Variants in PDZD2 observed in about 807,000 individuals in gnomAD.
PDZD2 encodes PDZ domain-containing protein 2.
A neutral mutation model predicts 220.7 loss-of-function variants in PDZD2; 90 were observed. The ratio of observed to expected loss-of-function variants is 0.41; its 90% CI spans 0.34 to 0.49. PDZD2 has a LOEUF of 0.49. Among genes scored for constraint, PDZD2 ranks in the 20% least tolerant of loss-of-function variants. The probability of loss-of-function intolerance (pLI) is 0.28; values close to 1 mark genes in which losing one functional copy is unlikely to be tolerated. For missense variants in PDZD2, 3,174 were observed against 3,608.5 expected, an observed-to-expected ratio of 0.88 and a Z score of 3.08; for synonymous variants, 1,375 against 1,450.5, an observed-to-expected ratio of 0.95 and a Z score of 1.18.
intron 24 of PDZD2, among the ~76,000 whole-genome samples, chr5:32,102,556 T>G (rs1443684787): frequency 6.6e-6 from 1 of 151,704 alleles, no homozygotes; most frequent in African/African-American, 2.4e-5. Flanking sequence ...CTCATCAAGT[T>G]AACTGTTCAA....
At chr5:31,737,253 A>T (rs544213470) in intron 1 of PDZD2, among the ~76,000 whole-genome samples, 54 of 143,758 alleles carry the variant, frequency 3.8e-4, no homozygotes, top group African/African-American at 1.2e-3. Flanking sequence ...GCTCACTGCA[A>T]GCTCCGCCTC....
intron 1 of PDZD2, among the ~76,000 whole-genome samples, chr5:31,684,563 GTTT>G (rs34643771): frequency 0.11 from 16,356 of 148,236 alleles, 983 homozygotes; most frequent in South Asian, 0.16. Context: ...AGCTAGAGCA[GTTT>G]TTTTTTTTTT....
Position 31,901,107 on chromosome 5 carries a change from G to T in PDZD2, c.477-82048G>T, listed in dbSNP as rs2150357987. 2.0e-5 allele frequency among the ~76,000 whole-genome samples: 3 copies of T among 152,218 alleles called. No homozygotes were observed. The Middle Eastern group carries it at 0.01, about 518-fold the overall frequency. On this transcript the variant is annotated intron_variant, in intron 2 of 24. Coordinates refer to ENST00000438447, the MANE Select transcript of PDZD2 (RefSeq NM_178140.4). ...GCCAAGCATTTTAAATACACATTTA[G>T]GCTAACAGCTATAAAAACAGGTGAC...
chr5:31,676,149 A>T (rs1398051313), intron 1 of PDZD2, among the ~76,000 whole-genome samples: 12 of 152,222 alleles, frequency 7.9e-5, no homozygotes, highest in Non-Finnish European at 4.4e-5. Context: ...AGTTAGCCTT[A>T]AGCTTTTTTC....
intron 2 of PDZD2, among the ~76,000 whole-genome samples, chr5:31,815,864 A>G (rs1159137190): frequency 6.6e-6 from 1 of 152,216 alleles, no homozygotes; most frequent in Non-Finnish European, 1.5e-5. Context: ...ATAGGCCAAG[A>G]GCATGAAATT....
chr5:31,732,417 C>T (rs1011054444), intron 1 of PDZD2, among the ~76,000 whole-genome samples: 1 of 152,188 alleles, frequency 6.6e-6, no homozygotes, highest in Non-Finnish European at 1.5e-5. Context: ...TCTCTGCTCA[C>T]CTTTGACCTC....
chr5:31,929,191 C>T (rs1051051410), intron 2 of PDZD2, among the ~76,000 whole-genome samples: 6 of 152,126 alleles, frequency 3.9e-5, no homozygotes, highest in Non-Finnish European at 5.9e-5. Flanking sequence ...CCAGACTCAG[C>T]GTCTGCTGTT....
At chr5:31,914,590 A>G (rs1050402394) in intron 2 of PDZD2, among the ~76,000 whole-genome samples, 1 of 152,212 alleles carries the variant, frequency 6.6e-6, no homozygotes, top group African/African-American at 2.4e-5. Context: ...GGAAAAATTT[A>G]GGAGTAGATA....
At chr5:32,104,727 A>T (rs1257321275) in intron 24 of PDZD2, among the ~76,000 whole-genome samples, 5 of 141,646 alleles carry the variant, frequency 3.5e-5, no homozygotes, top group African/African-American at 1.5e-4. Context: ...AAAAAAAAAA[A>T]AAAAAAAAAA....
At chr5:31,721,847 G>A (rs138238634) in intron 1 of PDZD2, among the ~76,000 whole-genome samples, 110 of 152,108 alleles carry the variant, frequency 7.2e-4, no homozygotes, top group East Asian at 4.3e-3. Flanking sequence ...GGCGGAGATC[G>A]GTTTACAGAG....
At chr5:31,904,491 T>C (rs1459997678) in intron 2 of PDZD2, among the ~76,000 whole-genome samples, 1 of 152,222 alleles carries the variant, frequency 6.6e-6, no homozygotes, top group African/African-American at 2.4e-5. Context: ...ATGTGAAAAC[T>C]TGAGTCACTG....
chr5:31,828,346 T>C (rs773713252), intron 2 of PDZD2, among the ~76,000 whole-genome samples: 13 of 152,364 alleles, frequency 8.5e-5, no homozygotes, highest in Admixed American at 2.0e-4. Context: ...CCAACACTTG[T>C]GACCTGTCTT....
At chr5:31,748,852 A>G (rs1376141556) in intron 1 of PDZD2, among the ~76,000 whole-genome samples, 1 of 152,214 alleles carries the variant, frequency 6.6e-6, no homozygotes, top group Non-Finnish European at 1.5e-5. Context: ...TTACCTGGGC[A>G]TTGCAATTCC....
chr5:31,823,385 T>C (rs547218612), intron 2 of PDZD2, among the ~76,000 whole-genome samples: 1 of 152,098 alleles, frequency 6.6e-6, no homozygotes, highest in Non-Finnish European at 1.5e-5. Context: ...CAAGAATCAT[T>C]TGGACCCAGG....
intron 2 of PDZD2, among the ~76,000 whole-genome samples, chr5:31,870,136 T>C (rs541901427): frequency 2.0e-5 from 3 of 152,176 alleles, no homozygotes; most frequent in South Asian, 2.1e-4. Flanking sequence ...CGGAGTTCCC[T>C]AGCTCTAGCT....
intron 6 of PDZD2, among the ~76,000 whole-genome samples, chr5:32,015,360 C>A (rs1753710785): frequency 6.6e-6 from 1 of 152,160 alleles, no homozygotes. Flanking sequence ...AATCCTCCCA[C>A]CTCAGCCTCC....
chr5:32,037,403 G>C (rs886659362), intron 7 of PDZD2, 61 bp downstream of exon 7: 1 of 950,812 alleles, frequency 1.1e-6, no homozygotes, highest in Admixed American at 2.0e-5. Context: ...TCAGGAGCAG[G>C]GAGATGAAGC....
chr5:31,738,744 T>C (rs1750057799), intron 1 of PDZD2: 1 of 152,184 alleles, frequency 6.6e-6, no homozygotes, highest in Admixed American at 6.5e-5. Context: ...AATAAAAGCT[T>C]CATTGGGAAG....
At chr5:31,643,561 C>T (rs1745026422) in intron 1 of PDZD2, among the ~76,000 whole-genome samples, 1 of 152,150 alleles carries the variant, frequency 6.6e-6, no homozygotes, top group Non-Finnish European at 1.5e-5. Flanking sequence ...ATTAGACAAC[C>T]AGAACTAGAG....
Sources: gnomAD v4.1 joint callset for allele counts (sites outside exome capture counted in the v4.1 genomes callset) on GRCh38, gnomAD v4.1.1 for gene constraint, MANE v1.5 for transcripts, NCBI Gene and HGNC (gene_info 2026-07-23, HGNC 2026-07-21) for gene names.